Variants in EPB41L5 observed in about 807,000 individuals in gnomAD.
EPB41L5 encodes the protein band 4.1-like protein 5.
In EPB41L5, 55 loss-of-function variants were observed where a neutral mutation model predicts 106.6. The observed-to-expected ratio is 0.52, with a 90% CI of 0.42 to 0.65. EPB41L5 has a LOEUF of 0.65. Among genes scored for constraint, EPB41L5 ranks in the 30% least tolerant of loss-of-function variants. The probability of loss-of-function intolerance (pLI) is 0.00; values close to 1 mark genes in which losing one functional copy is unlikely to be tolerated. For synonymous variants in EPB41L5, 297 were observed against 306.7 expected, an observed-to-expected ratio of 0.97 and a Z score of 0.33; for missense variants, 871 against 882.1, an observed-to-expected ratio of 0.99 and a Z score of 0.16.
intron 3 of EPB41L5, among the ~76,000 whole-genome samples, chr2:120,057,409 T>C (rs1680731063): frequency 6.6e-6 from 1 of 152,210 alleles, no homozygotes; most frequent in African/African-American, 2.4e-5. Context: ...AACTTAGAGT[T>C]ATGAAATCTG....
chr2:120,172,887 A>C (rs1687744251), intron 24 of EPB41L5, among the ~76,000 whole-genome samples: 1 of 152,136 alleles, frequency 6.6e-6, no homozygotes, highest in Non-Finnish European at 1.5e-5. Flanking sequence ...GTTTTTAAAA[A>C]ATTATATTAC....
intron 17 of EPB41L5, among the ~76,000 whole-genome samples, chr2:120,128,843 T>C (rs183691567): frequency 1.6e-4 from 24 of 152,238 alleles, no homozygotes; most frequent in African/African-American, 5.5e-4. Context: ...TGTTATTAGA[T>C]TAAGAAAATA....
intron 2 of EPB41L5, among the ~76,000 whole-genome samples, chr2:120,036,384 C>T (rs555693667): frequency 6.6e-6 from 1 of 152,238 alleles, no homozygotes; most frequent in African/African-American, 2.4e-5. Flanking sequence ...TTCTTCTATT[C>T]CCCCAGGGGT....
intron 7 of EPB41L5, among the ~76,000 whole-genome samples, chr2:120,076,334 G>C (rs1038117849): frequency 6.6e-6 from 1 of 151,702 alleles, no homozygotes; most frequent in African/African-American, 2.4e-5. Flanking sequence ...TTTTGAGACA[G>C]GGTCTCACTC....
intron 3 of EPB41L5, among the ~76,000 whole-genome samples, chr2:120,068,661 A>G (rs1047832662): frequency 2.0e-5 from 3 of 152,164 alleles, no homozygotes; most frequent in Non-Finnish European, 4.4e-5. Flanking sequence ...TTAACCTTAA[A>G]TGTAAACGGG....
At chr2:120,060,499 T>A in intron 3 of EPB41L5, among the ~76,000 whole-genome samples, 1 of 152,152 alleles carries the variant, frequency 6.6e-6, no homozygotes, top group South Asian at 2.1e-4. Context: ...GAATAGGAAA[T>A]AAAGCCAGTA....
chr2:120,138,867 A>G (rs1686049893), intron 18 of EPB41L5, among the ~76,000 whole-genome samples: 3 of 152,028 alleles, frequency 2.0e-5, no homozygotes, highest in African/African-American at 7.2e-5. Context: ...AAGACTCAGA[A>G]TAGCCAAAGC....
intron 16 of EPB41L5, among the ~76,000 whole-genome samples, chr2:120,115,178 T>C (rs980501894): frequency 1.3e-5 from 2 of 152,228 alleles, no homozygotes; most frequent in Admixed American, 1.3e-4. Context: ...CTAGACAGCA[T>C]ACAGTTGGAT....
chr2:120,081,200 TGG>T (rs1682633819), intron 10 of EPB41L5, among the ~76,000 whole-genome samples: 1 of 152,184 alleles, frequency 6.6e-6, no homozygotes, highest in Admixed American at 6.5e-5. Flanking sequence ...ATGTCCTGAA[TGG>T]TATTGCCTAG....
At chr2:120,049,171 A>G (rs1050905664) in intron 3 of EPB41L5, among the ~76,000 whole-genome samples, 3 of 152,182 alleles carry the variant, frequency 2.0e-5, no homozygotes, top group African/African-American at 7.2e-5. Flanking sequence ...GCAGATATCT[A>G]TTAGGTCTGC....
intron 10 of EPB41L5, among the ~76,000 whole-genome samples, chr2:120,079,040 T>C (rs1682448652): frequency 6.6e-6 from 1 of 152,206 alleles, no homozygotes; most frequent in Non-Finnish European, 1.5e-5. Context: ...GTTTTACTTT[T>C]ACATCAAGGA....
At chr2:120,066,257 G>A (rs927415716) in intron 3 of EPB41L5, among the ~76,000 whole-genome samples, 2 of 151,640 alleles carry the variant, frequency 1.3e-5, no homozygotes, top group African/African-American at 4.8e-5. Flanking sequence ...GAAAGCACAA[G>A]GAAGAAAAAA....
chr2:120,019,322 GT>G, intron 2 of EPB41L5, 58 bp downstream of exon 2: 1 of 1,513,064 alleles, frequency 6.6e-7, no homozygotes, highest in Non-Finnish European at 9.0e-7. Context: ...TTGTTTGTTT[GT>G]TTAAAAGCTT....
At chr2:120,070,066 C>T (rs1681750684) in intron 3 of EPB41L5, among the ~76,000 whole-genome samples, 1 of 151,874 alleles carries the variant, frequency 6.6e-6, no homozygotes, top group Admixed American at 6.6e-5. Context: ...TCTATTTTAA[C>T]AAAATAGATA....
At chr2:120,110,682 T>C (rs1440850636) in intron 16 of EPB41L5, among the ~76,000 whole-genome samples, 1 of 150,328 alleles carries the variant, frequency 6.7e-6, no homozygotes, top group Non-Finnish European at 1.5e-5. Context: ...TTGCCGAGGC[T>C]GGAGTGCAAT....
intron 2 of EPB41L5, among the ~76,000 whole-genome samples, chr2:120,039,828 G>GAAAA (rs564488728): frequency 2.3e-5 from 2 of 86,430 alleles, no homozygotes; most frequent in Non-Finnish European, 2.4e-5. Flanking sequence ...TCTGTCTCAG[G>GAAAA]AAAAAAAAAA....
intron 18 of EPB41L5, among the ~76,000 whole-genome samples, chr2:120,141,177 C>T (rs1003335647): frequency 3.9e-5 from 6 of 152,004 alleles, no homozygotes; most frequent in Non-Finnish European, 8.8e-5. Context: ...TGTTTATTGC[C>T]TACTTTTTGT....
chr2:120,013,247 T>G (rs115502699), intron 1 of EPB41L5, 37 bp downstream of exon 1: 80 of 151,794 alleles, frequency 5.3e-4, no homozygotes, highest in African/African-American at 1.3e-3. Context: ...CGCAGTACAG[T>G]CCGCTGCGCT....
At chr2:120,058,252 C>G (rs933232851) in intron 3 of EPB41L5, among the ~76,000 whole-genome samples, 1 of 152,030 alleles carries the variant, frequency 6.6e-6, no homozygotes, top group Non-Finnish European at 1.5e-5. Context: ...GTGGCATGAT[C>G]AGAGCTCACT....
Sources: allele counts gnomAD v4.1 joint callset (sites outside exome capture counted in the v4.1 genomes callset), GRCh38; gene constraint gnomAD v4.1.1; transcripts MANE v1.5; gene names NCBI Gene and HGNC (gene_info 2026-07-23, HGNC 2026-07-21).